SAMD14: variants seen among roughly 807,000 people sequenced by gnomAD.
The protein encoded by SAMD14 is sterile alpha motif domain-containing protein 14.
In SAMD14, 27 loss-of-function variants were observed where a neutral mutation model predicts 46.2. That is an observed-to-expected ratio of 0.58 (90% CI 0.43 to 0.81). SAMD14 has a LOEUF of 0.81. Ranked by LOEUF, SAMD14 falls within the 30% of genes least tolerant of loss-of-function variation. The pLI, the probability that SAMD14 is intolerant of heterozygous loss-of-function variation, is 0.00. For missense variants in SAMD14, 559 were observed against 582.2 expected (o/e 0.96, Z 0.41); for synonymous variants, 241 against 254.3 (o/e 0.95, Z 0.50).
intron 1 of SAMD14, among the ~76,000 whole-genome samples, chr17:50,128,393 C>T (rs1357201885): frequency 6.6e-6 from 1 of 151,570 alleles, no homozygotes; most frequent in Non-Finnish European, 1.5e-5. Context: ...CCCCTCCCAC[C>T]CAACCCTCTC....
Position 50,110,880 on chromosome 17 carries a change from G to A in SAMD14, c.*2013C>T, listed in dbSNP as rs1199610982. 1.2e-4 allele frequency: 18 copies of A among 152,394 alleles called. No individual in the cohort carries two copies. The highest frequency in any genetic ancestry group is 1.2e-3 in the Admixed American group (18 of 15,284). The allele number at this position is 152,394 out of a possible 1,614,324, so 9.4% of individuals were successfully genotyped here. A position where few individuals can be genotyped will look rare whatever the true frequency, so the allele number is the denominator to read the frequency against. ...CAGCCCCCAGCCCCCACTGTGCCCA[G>A]ACATGTGTGCTCAGGGTGGCTTTCT... On this transcript the variant is annotated 3_prime_UTR_variant, in exon 10 of 10. Coordinates refer to ENST00000330175, the MANE Select transcript of SAMD14 (RefSeq NM_001257359.2).
intron 1 of SAMD14, among the ~76,000 whole-genome samples, chr17:50,128,509 C>T (rs1301827397): frequency 6.7e-6 from 1 of 150,280 alleles, no homozygotes; most frequent in East Asian, 1.9e-4. Context: ...CACACACACA[C>T]ACACCCCCAT....
At chr17:50,124,702 T>C (rs554240491) in intron 2 of SAMD14, among the ~76,000 whole-genome samples, 239 of 151,940 alleles carry the variant, frequency 1.6e-3, no homozygotes, top group African/African-American at 5.5e-3. Context: ...TTGTTATAAC[T>C]GGTGTGTCCA....
chr17:50,117,800 G>A, intron 3 of SAMD14, 105 bp from the exon 4 acceptor site: 2 of 1,215,682 alleles, frequency 1.6e-6, no homozygotes, highest in South Asian at 3.8e-5. Flanking sequence ...TCCTTCCGGG[G>A]CCTAGAGGGA....
At chr17:50,117,804 A>G (rs969430906) in intron 3 of SAMD14, 109 bp from the exon 4 acceptor site, 40 of 1,184,004 alleles carry the variant, frequency 3.4e-5, no homozygotes, top group Non-Finnish European at 2.2e-6. Flanking sequence ...TCCGGGGCCT[A>G]GAGGGAGGGT....
At position 50,112,861 on chromosome 17, in the gene SAMD14, C is replaced by T; in HGVS notation, c.*32G>A. ...TGTGCCCGCGGAGCCAGTGGCTGCC[C>T]CTGCCGGGTGCCAGCGCCTGTGCAC... On this transcript the variant is annotated 3_prime_UTR_variant, in exon 10 of 10. Coordinates refer to ENST00000330175, the MANE Select transcript of SAMD14 (RefSeq NM_001257359.2). 6.3e-7 allele frequency: 1 copy of T among 1,585,860 alleles called. No homozygotes were observed. The highest frequency in any genetic ancestry group is 8.5e-7 in the Non-Finnish European group (1 of 1,172,054).
chr17:50,118,533 G>A (rs531127700), intron 2 of SAMD14, among the ~76,000 whole-genome samples: 1 of 152,228 alleles, frequency 6.6e-6, no homozygotes, highest in Non-Finnish European at 1.5e-5. Context: ...AAATGCCGGC[G>A]CTAAAATACA....
At chr17:50,124,761 ACGCGCGCGCG>A (rs868338823) in intron 2 of SAMD14, among the ~76,000 whole-genome samples, 146 bp downstream of exon 2, 1 of 108,094 alleles carries the variant, frequency 9.3e-6, no homozygotes. Flanking sequence ...GCACGCGTGC[ACGCGCGCGCG>A]CACACACACA....
At chr17:50,113,876 T>A in intron 9 of SAMD14, 48 bp downstream of exon 9, 3 of 1,608,296 alleles carry the variant, frequency 1.9e-6, no homozygotes, top group Non-Finnish European at 2.6e-6. Context: ...TCCTTGAAAG[T>A]CACCTCAAGT....
chr17:50,114,976 C>T (rs553412901), intron 7 of SAMD14: 2 of 154,550 alleles, frequency 1.3e-5, no homozygotes, highest in African/African-American at 4.8e-5. Flanking sequence ...CCTTCCTTTG[C>T]TCATCTGTAC....
Position 50,113,021 on chromosome 17 carries a change from G to A in SAMD14, c.1126C>T (p.Arg376Trp), listed in dbSNP as rs577006748. ...TTCAACTTGCGCTTCACCAGTGCCCGGTCATGAGAGTTGCTGAGCCCCAGG... is the reference window on the plus strand; with the variant it reads ...TTCAACTTGCGCTTCACCAGTGCCCAGTCATGAGAGTTGCTGAGCCCCAGG... ...KSLGLSNSHD[R>W]ALVKRKLKEM... The change falls in exon 10 of 10, where the codon CGG (arginine) becomes TGG (tryptophan). Residue 376 changes from arginine to tryptophan, a missense_variant. Transcript: ENST00000330175. 1.7e-5 allele frequency: 28 copies of A among 1,612,456 alleles called. No individual in the cohort carries two copies. The highest frequency in any genetic ancestry group is 1.7e-4 in the Middle Eastern group (1 of 6,060).
chr17:50,113,386 G>A, intron 9 of SAMD14: 1 of 309,526 alleles, frequency 3.2e-6, no homozygotes, highest in Non-Finnish European at 6.1e-6. Context: ...CACACAGTTA[G>A]TGCCCAAGGA....
intron 4 of SAMD14, among the ~76,000 whole-genome samples, chr17:50,116,548 G>GCTGGGATTACA (rs1376639212): frequency 1.3e-5 from 2 of 151,864 alleles, no homozygotes; most frequent in Non-Finnish European, 2.9e-5. Context: ...TGGGATTACA[G>GCTGGGATTACA]GCGCCCGCCA....
rs933550444 is a variant in SAMD14 at position 50,115,049 on chromosome 17, C to T, written c.822+515G>A. ...AGCCTTTGTGAGAGTAAAGCAGAAA[C>T]GCATTTGGGGCTTTGTAAACTGTAG... On this transcript the variant is annotated intron_variant, in intron 7 of 9. Coordinates refer to ENST00000330175, the MANE Select transcript of SAMD14 (RefSeq NM_001257359.2). The surrounding 1 kb of genome is among the most constrained non-coding windows in gnomAD (Gnocchi z 5.3). 5.2e-5 allele frequency: 8 copies of T among 154,482 alleles called. No homozygotes were observed. The highest frequency in any genetic ancestry group is 1.7e-4 in the African/African-American group (7 of 41,608). The allele number at this position is 154,482 out of a possible 1,614,324, so 9.6% of individuals were successfully genotyped here.
intron 2 of SAMD14, 144 bp downstream of exon 2, chr17:50,124,773 A>ACGCGCGTGCG (rs1338694812): frequency 5.6e-5 from 19 of 337,454 alleles, no homozygotes; most frequent in Non-Finnish European, 8.7e-5. Context: ...GCGCGCGCGC[A>ACGCGCGTGCG]CACACACACA....
At position 50,115,474 on chromosome 17, in the gene SAMD14, T is replaced by A. The variant is rs1457445693; in HGVS notation, c.822+90A>T. 1 of 1,373,568 alleles carries A rather than the reference T, an allele frequency of 7.3e-7. No individual in the cohort carries two copies. The highest frequency in any genetic ancestry group is 9.9e-7 in the Non-Finnish European group (1 of 1,013,274). 85.1% of individuals were successfully genotyped at this position (1,373,568 alleles called of 1,614,324 possible). A position where few individuals can be genotyped will look rare whatever the true frequency, so the allele number is the denominator to read the frequency against. On this transcript the variant is annotated intron_variant, in intron 7 of 9. Transcript: ENST00000330175. The surrounding 1 kb of genome is among the most constrained non-coding windows in gnomAD (Gnocchi z 5.3). ...GATGGACAAATTGATTCCAGGAATG[T>A]CTGAATCCCAGCCTGAGCCAAGGTG...
At chr17:50,113,543 T>C in intron 9 of SAMD14, 2 of 292,012 alleles carry the variant, frequency 6.8e-6, no homozygotes, top group Admixed American at 4.8e-5. Flanking sequence ...CCCTGCCCAC[T>C]ATTACCACTA....
intron 3 of SAMD14, 43 bp from the exon 4 acceptor site, chr17:50,117,738 C>A: frequency 1.4e-6 from 2 of 1,397,406 alleles, no homozygotes; most frequent in South Asian, 1.6e-5. Flanking sequence ...CTCCTCCTCC[C>A]TTCCCGGAGG....
chr17:50,117,683 A>C lies in SAMD14; in HGVS notation c.223T>G (p.Cys75Gly). The C allele has an allele frequency of 6.8e-7, 1 of 1,465,092 alleles. No homozygotes were observed. The highest frequency in any genetic ancestry group is 1.4e-5 in the South Asian group (1 of 72,482). The allele number at this position is 1,465,092 out of a possible 1,614,324, so 90.8% of individuals were successfully genotyped here. ...DGPGGKVTDG[C>G]GSPLHRLRSP... The stretch of plus-strand genomic sequence containing the variant: ...CGCAGCCGGTGCAGGGGGCTCCCGC[A>C]GCCATCGGTCACCTGGACGAGGGGG... The change falls in exon 4 of 10, where the codon TGC becomes GGC. Residue 75 changes from cysteine to glycine, a missense_variant. Cys to Gly is a radical substitution (Grantham distance 159). Coordinates refer to ENST00000330175, the MANE Select transcript of SAMD14 (RefSeq NM_001257359.2).
Sources: gnomAD v4.1 joint callset for allele counts (sites outside exome capture counted in the v4.1 genomes callset) on GRCh38, gnomAD v4.1.1 for gene constraint, Gnocchi (gnomAD v3.1) non-coding constraint, MANE v1.5 for transcripts, NCBI Gene and HGNC (gene_info 2026-07-23, HGNC 2026-07-21) for gene names.